LIMCH1: variants seen among roughly 807,000 people sequenced by gnomAD.
The protein encoded by LIMCH1 is LIM and calponin homology domains-containing protein 1.
LIMCH1 carries 113 observed loss-of-function variants against 176.5 expected under a neutral mutation model. The ratio of observed to expected loss-of-function variants is 0.64; its 90% CI spans 0.55 to 0.75. LIMCH1 has a LOEUF of 0.75. Ranked by LOEUF, LIMCH1 falls within the 30% of genes least tolerant of loss-of-function variation. The pLI, the probability that LIMCH1 is intolerant of heterozygous loss-of-function variation, is 0.00. For synonymous variants in LIMCH1, 619 were observed against 645.9 expected (o/e 0.96, Z 0.63); for missense variants, 1,674 against 1,814.9 (o/e 0.92, Z 1.41).
chr4:41,603,465 G>A (rs2090263006), intron 2 of LIMCH1, among the ~76,000 whole-genome samples: 1 of 152,252 alleles, frequency 6.6e-6, no homozygotes, highest in African/African-American at 2.4e-5. Context: ...ATTAAATAAG[G>A]TTTTAGACCT....
chr4:41,473,004 G>C (rs1307472484), intron 1 of LIMCH1: 1 of 983,278 alleles, frequency 1.0e-6, no homozygotes, highest in East Asian at 1.1e-4. Context: ...CTCCTCGGTA[G>C]GCCAGAGAAT....
intron 5 of LIMCH1, among the ~76,000 whole-genome samples, chr4:41,618,943 T>G (rs1392023499): frequency 6.6e-6 from 1 of 152,188 alleles, no homozygotes. Context: ...CGGATACAGT[T>G]AGGCTTATGT....
At chr4:41,650,368 T>A in intron 17 of LIMCH1, 25 bp from the exon 18 acceptor site, 2 of 1,579,118 alleles carry the variant, frequency 1.3e-6, no homozygotes, top group South Asian at 1.1e-5. Context: ...TATAGCATGT[T>A]TTTTGTTCAT....
chr4:41,449,852 G>GT (rs2063674227), intron 1 of LIMCH1, among the ~76,000 whole-genome samples: 1 of 152,210 alleles, frequency 6.6e-6, no homozygotes, highest in Non-Finnish European at 1.5e-5. Context: ...CAAAAGCAGA[G>GT]TGTTGGCAGG....
At chr4:41,498,334 G>A (rs186840047) in intron 2 of LIMCH1, among the ~76,000 whole-genome samples, 1 of 152,256 alleles carries the variant, frequency 6.6e-6, no homozygotes, top group Non-Finnish European at 1.5e-5. Context: ...ACTCCATATG[G>A]CTTTGAATAT....
At position 41,488,437 on chromosome 4, in the gene LIMCH1, C is replaced by T. The variant is rs1270430758; in HGVS notation, c.97-6099C>T. ...TTAATTTCTTTATTTTGGGAAAACT[C>T]GATATTCATAAACTGTTAAGAATGA... On this transcript the variant is annotated intron_variant, in intron 1 of 26. Transcript: ENST00000313860. Among the ~76,000 whole-genome samples the T allele has an allele frequency of 3.3e-5, 5 of 152,142 alleles. No homozygotes were observed. In the East Asian group the frequency reaches 7.7e-4, roughly 24 times the overall value.
chr4:41,500,198 T>C (rs2073013634), intron 2 of LIMCH1, among the ~76,000 whole-genome samples: 2 of 152,258 alleles, frequency 1.3e-5, no homozygotes, highest in South Asian at 4.1e-4. Context: ...GATACTCAAG[T>C]TGTGGAAATA....
chr4:41,360,926 A>G lies in LIMCH1; in HGVS notation c.86A>G (p.Lys29Arg), dbSNP rs1415256282. 3 of 1,581,526 alleles carry G rather than the reference A, an allele frequency of 1.9e-6. No homozygotes were observed. The highest frequency in any genetic ancestry group is 1.2e-5 in the South Asian group (1 of 86,170). Reference sequence around the variant, plus strand: ...GAGCCCGCCTTCTCCGAGGCGCAGAAGTGGATTGAGGTAGGTGCGGGTGGC... The same window carrying G: ...GAGCCCGCCTTCTCCGAGGCGCAGAGGTGGATTGAGGTAGGTGCGGGTGGC... The change falls in exon 1 of 27, where the codon AAG becomes AGG. Residue 29 changes from lysine (K) to arginine (R), a missense_variant. By Grantham distance (26) the Lys-to-Arg change is conservative. Transcript: ENST00000313860. The surrounding 1 kb of genome is among the most constrained non-coding windows in gnomAD (Gnocchi z 4.5).
intron 1 of LIMCH1, among the ~76,000 whole-genome samples, chr4:41,468,966 AC>A (rs1194618278): frequency 2.0e-5 from 3 of 152,084 alleles, no homozygotes; most frequent in South Asian, 2.1e-4. Flanking sequence ...TAATTTTCAA[AC>A]CCTTCTTCCC....
At chr4:41,488,785 G>C (rs1326908530) in intron 1 of LIMCH1, among the ~76,000 whole-genome samples, 1 of 152,146 alleles carries the variant, frequency 6.6e-6, no homozygotes, top group Non-Finnish European at 1.5e-5. Context: ...TATTTTCTGT[G>C]TATGTGTCTT....
rs774027454 is a variant in LIMCH1, at chr4:41,661,525, A to G, written c.3127+15A>G. 6.5e-7 allele frequency: 1 copy of G among 1,544,860 alleles called. No individual in the cohort carries two copies. Among genetic ancestry groups the G allele is most frequent in the East Asian group, 2.3e-5 (1 of 44,356 alleles). On this transcript the variant is annotated intron_variant, in intron 19 of 31. Coordinates refer to ENST00000503057, the MANE Select transcript of LIMCH1 (RefSeq NM_001330672.2). ...TGCCTCATCAGGTTTGTTTCATAAG[A>G]GACTAGTTTTAAGGCAAATCATGGT...
At chr4:41,473,127 C>T in intron 1 of LIMCH1, 1 of 985,312 alleles carries the variant, frequency 1.0e-6, no homozygotes, top group Non-Finnish European at 1.2e-6. Context: ...AAAATGACAA[C>T]TTGGTAAATG....
chr4:41,513,575 C>G (rs2075196588), intron 2 of LIMCH1, among the ~76,000 whole-genome samples: 1 of 152,196 alleles, frequency 6.6e-6, no homozygotes, highest in Non-Finnish European at 1.5e-5. Flanking sequence ...TCATTCCCAT[C>G]CCCTCTTTCA....
At chr4:41,566,831 T>C (rs2082844825) in intron 1 of LIMCH1, among the ~76,000 whole-genome samples, 2 of 152,226 alleles carry the variant, frequency 1.3e-5, no homozygotes, top group Admixed American at 1.3e-4. Context: ...TTCTATCACA[T>C]ACAGAGTTAT....
intron 1 of LIMCH1, among the ~76,000 whole-genome samples, chr4:41,472,168 T>C (rs2067056325): frequency 6.6e-6 from 1 of 152,232 alleles, no homozygotes; most frequent in South Asian, 2.1e-4. Context: ...TGCTTAAATA[T>C]TAGCTCTTCA....
chr4:41,528,296 C>T (rs922512387), intron 3 of LIMCH1, among the ~76,000 whole-genome samples: 3 of 151,980 alleles, frequency 2.0e-5, no homozygotes, highest in Non-Finnish European at 2.9e-5. Context: ...AGATAAAGGG[C>T]GTACGGGGGT....
intron 8 of LIMCH1, among the ~76,000 whole-genome samples, chr4:41,627,936 A>G (rs1222020403): frequency 6.6e-6 from 1 of 152,206 alleles, no homozygotes; most frequent in Non-Finnish European, 1.5e-5. Flanking sequence ...ATGGTTCTTT[A>G]GGCAGAGTTG....
At chr4:41,587,741 C>T (rs2086729666) in intron 1 of LIMCH1, among the ~76,000 whole-genome samples, 1 of 152,144 alleles carries the variant, frequency 6.6e-6, no homozygotes, top group Admixed American at 6.5e-5. Context: ...AAACACTTAA[C>T]ATACTACCTT....
At chr4:41,641,282 C>T (rs2093811854) in intron 14 of LIMCH1, among the ~76,000 whole-genome samples, 1 of 152,216 alleles carries the variant, frequency 6.6e-6, no homozygotes, top group South Asian at 2.1e-4. Context: ...CAGACACACA[C>T]CTCTTCATTT....
Sources: allele counts gnomAD v4.1 joint callset (sites outside exome capture counted in the v4.1 genomes callset), GRCh38; gene constraint gnomAD v4.1.1; non-coding constraint Gnocchi (gnomAD v3.1); transcripts MANE v1.5; gene names NCBI Gene and HGNC (gene_info 2026-07-23, HGNC 2026-07-21).